The following SOBP variants were observed in gnomAD, a reference collection of about 807,000 sequenced individuals.
The protein encoded by SOBP is sine oculis binding protein homolog.
Under a neutral mutation model 53.6 loss-of-function variants are expected in SOBP, and 4 were observed. The ratio of observed to expected loss-of-function variants is 0.07; its 90% CI spans 0.04 to 0.17. The LOEUF is 0.17. Ranked by LOEUF, SOBP falls within the 10% of genes least tolerant of loss-of-function variation. The probability of loss-of-function intolerance (pLI) is 1.00; values close to 1 mark genes in which losing one functional copy is unlikely to be tolerated. For missense variants in SOBP, 1,088 were observed against 1,204.7 expected (o/e 0.90, Z 1.43); for synonymous variants, 584 against 522.6 (o/e 1.12, Z -1.60).
chr6:107,576,821 A>T (rs766274774), intron 4 of SOBP, among the ~76,000 whole-genome samples: 9 of 152,188 alleles, frequency 5.9e-5, no homozygotes, highest in Non-Finnish European at 1.0e-4. Flanking sequence ...TTATACCCAT[A>T]CCCTGATTAT....
chr6:107,609,499 G>A (rs968891419), intron 5 of SOBP, among the ~76,000 whole-genome samples: 1 of 152,212 alleles, frequency 6.6e-6, no homozygotes, highest in Admixed American at 6.5e-5. Context: ...GGATAGTAGA[G>A]AGAAATTACA....
At chr6:107,612,994 A>G (rs1786654880) in intron 5 of SOBP, among the ~76,000 whole-genome samples, 1 of 152,218 alleles carries the variant, frequency 6.6e-6, no homozygotes, top group African/African-American at 2.4e-5. Flanking sequence ...TCATCTGTTG[A>G]TGGATGCTTG....
At chr6:107,557,910 A>G (rs1784661437) in intron 4 of SOBP, 1 of 152,144 alleles carries the variant, frequency 6.6e-6, no homozygotes, top group Non-Finnish European at 1.5e-5. Context: ...ACTCTGCATA[A>G]TTTATGGATA....
chr6:107,631,745 T>A (rs1770723371), intron 5 of SOBP, among the ~76,000 whole-genome samples: 1 of 152,246 alleles, frequency 6.6e-6, no homozygotes. Context: ...GCCTTTCTAA[T>A]CATCAAAGGT....
At chr6:107,587,799 G>C (rs532623775) in intron 5 of SOBP, among the ~76,000 whole-genome samples, 1 of 152,276 alleles carries the variant, frequency 6.6e-6, no homozygotes, top group African/African-American at 2.4e-5. Flanking sequence ...TTTACAGCCA[G>C]ACAAGATGAA....
At chr6:107,508,811 A>G (rs1160811085) in intron 3 of SOBP, among the ~76,000 whole-genome samples, 1 of 152,170 alleles carries the variant, frequency 6.6e-6, no homozygotes, top group East Asian at 1.9e-4. Flanking sequence ...ACGTAGGCCA[A>G]GTGGGAAAAA....
At chr6:107,602,079 C>T (rs962096187) in intron 5 of SOBP, among the ~76,000 whole-genome samples, 2 of 152,194 alleles carry the variant, frequency 1.3e-5, no homozygotes, top group Non-Finnish European at 2.9e-5. Context: ...GCAAATTATA[C>T]TCATTGCTCT....
At chr6:107,632,102 ATC>A (rs1770740026) in intron 5 of SOBP, among the ~76,000 whole-genome samples, 1 of 152,220 alleles carries the variant, frequency 6.6e-6, no homozygotes, top group South Asian at 2.1e-4. Flanking sequence ...AAAATTTATC[ATC>A]TTTTAATTAT....
At chr6:107,576,843 G>A (rs1406573992) in intron 4 of SOBP, among the ~76,000 whole-genome samples, 1 of 152,208 alleles carries the variant, frequency 6.6e-6, no homozygotes, top group African/African-American at 2.4e-5. Context: ...GCATTTCTGT[G>A]GTTGCTGGTG....
chr6:107,652,875 A>G (rs1771865659), intron 6 of SOBP, among the ~76,000 whole-genome samples: 3 of 152,048 alleles, frequency 2.0e-5, no homozygotes, highest in South Asian at 4.1e-4. Flanking sequence ...TTTTACAAAT[A>G]AAGTATTTTA....
intron 6 of SOBP, among the ~76,000 whole-genome samples, chr6:107,656,303 G>GACAGAAAGAAAGAAAGAC: frequency 7.9e-5 from 1 of 12,612 alleles, no homozygotes; most frequent in South Asian, 8.3e-3. Flanking sequence ...AAGAAAGAAA[G>GACAGAAAGAAAGAAAGAC]AAAGAAAGAA....
rs552509934 is a variant in SOBP, at chr6:107,586,377, C to G, written c.574-703C>G. On this transcript the variant is annotated intron_variant, in intron 4 of 6. Transcript: ENST00000317357. ...TTCTCTCCCACTCCAAACCAGAAAC[C>G]AGTGGAGATTAGAAAGAAGACTGTA... Among the ~76,000 whole-genome samples the G allele has an allele frequency of 5.3e-5, 8 of 152,308 alleles. No homozygotes were observed. In the South Asian group the frequency reaches 1.7e-3, roughly 32 times the overall value.
At chr6:107,553,861 A>G (rs1784535849) in intron 4 of SOBP, among the ~76,000 whole-genome samples, 1 of 152,066 alleles carries the variant, frequency 6.6e-6, no homozygotes, top group Non-Finnish European at 1.5e-5. Context: ...GTCTCAGGTC[A>G]TCTGCCTGCC....
rs10554 is a variant in SOBP at position 107,659,202 on chromosome 6, A to C, written c.*999A>C. 1 of 152,448 alleles carries C rather than the reference A, an allele frequency of 6.6e-6. No homozygotes were observed. Among genetic ancestry groups the C allele is most frequent in the African/African-American group, 2.4e-5 (1 of 41,352 alleles). 9.4% of individuals were successfully genotyped at this position (152,448 alleles called of 1,614,324 possible). A position where few individuals can be genotyped will look rare whatever the true frequency, so the allele number is the denominator to read the frequency against. On this transcript the variant is annotated 3_prime_UTR_variant, in exon 7 of 7. Transcript: ENST00000317357. ...TCTCTATATGCAGAGCCCTTTCATGATAATTAGAATGGTATGGACAAACCA... is the reference window on the plus strand; with the variant it reads ...TCTCTATATGCAGAGCCCTTTCATGCTAATTAGAATGGTATGGACAAACCA...
chr6:107,574,616 G>T (rs1314382909), intron 4 of SOBP, among the ~76,000 whole-genome samples: 1 of 152,112 alleles, frequency 6.6e-6, no homozygotes, highest in Non-Finnish European at 1.5e-5. Context: ...TCTACGCAGG[G>T]TTTCTCACGC....
At chr6:107,589,909 A>G (rs1387578944) in intron 5 of SOBP, among the ~76,000 whole-genome samples, 1 of 152,244 alleles carries the variant, frequency 6.6e-6, no homozygotes, top group East Asian at 1.9e-4. Context: ...TGACTAAAGA[A>G]AACTTTTAAT....
intron 6 of SOBP, among the ~76,000 whole-genome samples, chr6:107,642,685 A>C (rs992441115): frequency 6.6e-6 from 1 of 152,198 alleles, no homozygotes; most frequent in Admixed American, 6.5e-5. Context: ...CTGCACCAGC[A>C]CTAGTTGTCT....
chr6:107,544,929 C>T (rs955292546), intron 4 of SOBP, among the ~76,000 whole-genome samples: 1 of 152,188 alleles, frequency 6.6e-6, no homozygotes, highest in Admixed American at 6.5e-5. Context: ...CACATTAATA[C>T]TAAATCATTT....
chr6:107,555,919 C>A (rs894354211), intron 4 of SOBP, among the ~76,000 whole-genome samples: 1 of 152,134 alleles, frequency 6.6e-6, no homozygotes, highest in Admixed American at 6.5e-5. Flanking sequence ...GATATTCCTC[C>A]CCTATAAACT....
Sources: gnomAD v4.1 joint callset for allele counts (sites outside exome capture counted in the v4.1 genomes callset) on GRCh38, gnomAD v4.1.1 for gene constraint, MANE v1.5 for transcripts, NCBI Gene and HGNC (gene_info 2026-07-23, HGNC 2026-07-21) for gene names.